The following PPARGC1A variants were observed in gnomAD, a reference collection of about 807,000 sequenced individuals.
PPARGC1A encodes the protein peroxisome proliferator-activated receptor gamma coactivator 1-alpha.
PPARGC1A carries 25 observed loss-of-function variants against 88.7 expected under a neutral mutation model. The observed-to-expected ratio is 0.28, with a 90% CI of 0.21 to 0.39. The LOEUF is 0.39. PPARGC1A is among the 10% of genes least tolerant of loss of function. The pLI, the probability that PPARGC1A is intolerant of heterozygous loss-of-function variation, is 1.00. For missense variants in PPARGC1A, 880 were observed against 968.7 expected, an observed-to-expected ratio of 0.91 and a Z score of 1.22; for synonymous variants, 363 against 355.6, an observed-to-expected ratio of 1.02 and a Z score of -0.24.
chr4:24,136,507 T>C, the PPARGC1A span, among the ~76,000 whole-genome samples: 1 of 152,000 alleles, frequency 6.6e-6, no homozygotes, highest in African/African-American at 2.4e-5. Flanking sequence ...GAATAGCGCT[T>C]GGAAATGCCG....
chr4:23,985,528 T>G, the PPARGC1A span, among the ~76,000 whole-genome samples: 1 of 151,966 alleles, frequency 6.6e-6, no homozygotes, highest in Non-Finnish European at 1.5e-5. Flanking sequence ...TCTCAGCTTC[T>G]TTTTAGAAGA....
the PPARGC1A span, among the ~76,000 whole-genome samples, chr4:24,152,930 C>T: frequency 6.6e-6 from 1 of 152,208 alleles, no homozygotes; most frequent in Admixed American, 6.5e-5. Flanking sequence ...GCTAACACTT[C>T]TGTTCAAGAC....
the PPARGC1A span, among the ~76,000 whole-genome samples, chr4:24,200,515 A>AG: frequency 1.3e-5 from 2 of 152,098 alleles, no homozygotes; most frequent in South Asian, 4.1e-4. Flanking sequence ...CTGACTCAAA[A>AG]GAAAAAAAAA....
the PPARGC1A span, among the ~76,000 whole-genome samples, chr4:24,332,712 G>A: frequency 1.3e-5 from 2 of 152,122 alleles, no homozygotes; most frequent in East Asian, 1.9e-4. Context: ...TGTGCTCCCC[G>A]AAATACATAA....
chr4:24,178,673 A>ATAATACT, the PPARGC1A span, among the ~76,000 whole-genome samples: 2 of 152,218 alleles, frequency 1.3e-5, no homozygotes, highest in African/African-American at 4.8e-5. Context: ...TACCTGATGC[A>ATAATACT]TAATACTTAA....
the PPARGC1A span, among the ~76,000 whole-genome samples, chr4:24,002,799 T>C: frequency 0.17 from 26,221 of 152,092 alleles, 2,380 homozygotes; most frequent in East Asian, 0.26. Flanking sequence ...TTCAGCTACT[T>C]GGCATGCCAC....
intron 2 of PPARGC1A, among the ~76,000 whole-genome samples, chr4:23,872,278 G>A (rs144314356): frequency 6.7e-4 from 102 of 152,218 alleles, no homozygotes; most frequent in African/African-American, 2.3e-3. Context: ...CTCCACTGAC[G>A]GTCTTGCTCT....
intron 4 of PPARGC1A, 125 bp downstream of exon 4, chr4:23,829,338 T>A: frequency 9.9e-7 from 1 of 1,013,540 alleles, no homozygotes; most frequent in Non-Finnish European, 1.5e-6. Context: ...TCATAATCTA[T>A]TTCATCATTA....
intron 7 of PPARGC1A, among the ~76,000 whole-genome samples, chr4:23,816,308 G>A (rs1721974717): frequency 6.6e-6 from 1 of 152,138 alleles, no homozygotes; most frequent in Non-Finnish European, 1.5e-5. Flanking sequence ...TGTAGCAAAG[G>A]AAGTGACTTA....
chr4:23,798,895 A>G (rs973465364), intron 12 of PPARGC1A, among the ~76,000 whole-genome samples: 1 of 152,204 alleles, frequency 6.6e-6, no homozygotes, highest in Non-Finnish European at 1.5e-5. Context: ...CATAAATAGT[A>G]GCTGAAATCG....
the PPARGC1A span, among the ~76,000 whole-genome samples, chr4:24,006,912 T>C: frequency 6.1e-3 from 928 of 152,286 alleles, 44 homozygotes; most frequent in East Asian, 0.1. Flanking sequence ...CATTTGACTG[T>C]CAAGTTAGCT....
At chr4:24,456,138 G>A in the PPARGC1A span, among the ~76,000 whole-genome samples, 2 of 152,220 alleles carry the variant, frequency 1.3e-5, no homozygotes, top group Non-Finnish European at 1.5e-5. Flanking sequence ...CTAAAGGGAA[G>A]TGAAAGATTG....
the PPARGC1A span, among the ~76,000 whole-genome samples, chr4:24,194,728 A>G: frequency 6.6e-6 from 1 of 151,870 alleles, no homozygotes; most frequent in South Asian, 2.1e-4. Flanking sequence ...GGGTGCAGAT[A>G]TGTCTTAAAA....
At chr4:24,439,254 A>G in the PPARGC1A span, among the ~76,000 whole-genome samples, 1 of 152,134 alleles carries the variant, frequency 6.6e-6, no homozygotes, top group Non-Finnish European at 1.5e-5. Flanking sequence ...TAAACGCAGC[A>G]CCCTAAGGAA....
At chr4:23,947,398 A>ATATACAT in the PPARGC1A span, among the ~76,000 whole-genome samples, 2 of 17,842 alleles carry the variant, frequency 1.1e-4, no homozygotes, top group African/African-American at 4.0e-4. Context: ...TATATATATA[A>ATATACAT]AAAAAACGGT....
chr4:23,855,175 T>G (rs1729977985), intron 2 of PPARGC1A, among the ~76,000 whole-genome samples: 1 of 152,160 alleles, frequency 6.6e-6, no homozygotes, highest in African/African-American at 2.4e-5. Context: ...GCCACAATTG[T>G]GAGGCCTCCC....
At chr4:23,832,266 T>A (rs939367034) in intron 2 of PPARGC1A, among the ~76,000 whole-genome samples, 1 of 152,190 alleles carries the variant, frequency 6.6e-6, no homozygotes, top group Non-Finnish European at 1.5e-5. Context: ...TCAATTATAA[T>A]CTCATCACTG....
the PPARGC1A span, among the ~76,000 whole-genome samples, chr4:24,224,063 G>T: frequency 6.6e-6 from 1 of 152,164 alleles, no homozygotes; most frequent in Non-Finnish European, 1.5e-5. Flanking sequence ...CTACATTCCA[G>T]TAAGAGTTGA....
At chr4:24,343,192 C>A in the PPARGC1A span, among the ~76,000 whole-genome samples, 29 of 152,278 alleles carry the variant, frequency 1.9e-4, no homozygotes, top group South Asian at 4.8e-3. Context: ...ATACTTCCCA[C>A]GTTAGTGTCA....
Sources: gnomAD v4.1 joint callset for allele counts (sites outside exome capture counted in the v4.1 genomes callset) on GRCh38, gnomAD v4.1.1 for gene constraint, MANE v1.5 for transcripts, NCBI Gene and HGNC (gene_info 2026-07-23, HGNC 2026-07-21) for gene names.